ANKRD44: variants seen among roughly 807,000 people sequenced by gnomAD.
ANKRD44 encodes ankyrin repeat domain 44.
ANKRD44 carries 35 observed loss-of-function variants against 116.0 expected under a neutral mutation model. That is an observed-to-expected ratio of 0.30 (90% CI 0.23 to 0.40). The LOEUF is 0.40. ANKRD44 is among the 10% of genes least tolerant of loss of function. The pLI, the probability that ANKRD44 is intolerant of heterozygous loss-of-function variation, is 1.00. For missense variants in ANKRD44, 1,014 were observed against 1,242.6 expected, an observed-to-expected ratio of 0.82 and a Z score of 2.77; for synonymous variants, 435 against 461.8, an observed-to-expected ratio of 0.94 and a Z score of 0.74.
intron 1 of ANKRD44, among the ~76,000 whole-genome samples, chr2:197,233,782 C>T (rs1238584697): frequency 6.6e-6 from 1 of 152,258 alleles, no homozygotes; most frequent in Non-Finnish European, 1.5e-5. Flanking sequence ...TAGCAGTTTT[C>T]TCTCACAAGA....
At chr2:196,973,998 T>C (rs2075738596) in intron 21 of ANKRD44, among the ~76,000 whole-genome samples, 1 of 152,180 alleles carries the variant, frequency 6.6e-6, no homozygotes. Context: ...TATATTCTCT[T>C]GCCATATGGA....
chr2:197,119,901 A>G (rs1225783692), intron 8 of ANKRD44, among the ~76,000 whole-genome samples: 1 of 152,186 alleles, frequency 6.6e-6, no homozygotes, highest in Non-Finnish European at 1.5e-5. Context: ...CCCCTTGGTT[A>G]GCTGTCACAT....
At chr2:197,036,148 T>C (rs543290376) in intron 16 of ANKRD44, among the ~76,000 whole-genome samples, 1 of 152,346 alleles carries the variant, frequency 6.6e-6, no homozygotes, top group South Asian at 2.1e-4. Context: ...CGGTAGTTTG[T>C]ATGAATGTAT....
In ANKRD44 at chr2:197,170,243, T is replaced by A. The variant is rs546555357; in HGVS notation, c.111+16780A>T. On this transcript the variant is annotated intron_variant, in intron 2 of 27. Coordinates refer to ENST00000282272, the MANE Select transcript of ANKRD44 (RefSeq NM_001195144.2). ...GGAGGCATTCAAAGCCAAATGACAT[T>A]GAGAAACACGGTGTTCAAGAAAGTT... Among the ~76,000 whole-genome samples the A allele has an allele frequency of 2.7e-5, 4 of 147,912 alleles. No individual in the cohort carries two copies. The South Asian group carries it at 8.5e-4, about 32-fold the overall frequency.
chr2:197,182,978 A>T (rs2080548493), intron 2 of ANKRD44, among the ~76,000 whole-genome samples: 1 of 152,140 alleles, frequency 6.6e-6, no homozygotes, highest in Non-Finnish European at 1.5e-5. Flanking sequence ...GAGAAGTAGG[A>T]CAACTTAATG....
chr2:197,279,145 A>G (rs1216772320), intron 1 of ANKRD44, among the ~76,000 whole-genome samples: 1 of 152,168 alleles, frequency 6.6e-6, no homozygotes, highest in African/African-American at 2.4e-5. Flanking sequence ...CATTCAGTCC[A>G]CATTTCAAAG....
chr2:197,158,503 A>G (rs59731333), intron 2 of ANKRD44, among the ~76,000 whole-genome samples: 7,873 of 152,258 alleles, frequency 0.052, 682 homozygotes, highest in African/African-American at 0.18. Flanking sequence ...GCAGATAACT[A>G]AAAGAATAAC....
chr2:197,099,225 T>C (rs2078233998), intron 10 of ANKRD44, among the ~76,000 whole-genome samples: 1 of 152,208 alleles, frequency 6.6e-6, no homozygotes, highest in Admixed American at 6.5e-5. Flanking sequence ...TTTAGAACTT[T>C]ATGATATATG....
Position 196,988,303 on chromosome 2 carries a change from T to C in ANKRD44, c.*1288A>G. Reference sequence around the variant, plus strand: ...GTGCTTCTTCAACACTGAACCTCTCTTAATTTTCAGTGTTTTGGTAAAGAT... The same window carrying C: ...GTGCTTCTTCAACACTGAACCTCTCCTAATTTTCAGTGTTTTGGTAAAGAT... On this transcript the variant is annotated 3_prime_UTR_variant, in exon 28 of 28. Transcript: ENST00000282272. The C allele has an allele frequency of 1.0e-6, 1 of 985,474 alleles. No homozygotes were observed. Among genetic ancestry groups the C allele is most frequent in the East Asian group, 1.1e-4 (1 of 8,822 alleles). 61.0% of individuals were successfully genotyped at this position (985,474 alleles called of 1,614,324 possible). A position where few individuals can be genotyped will look rare whatever the true frequency, so the allele number is the denominator to read the frequency against.
rs566802604 is a variant in ANKRD44, at chr2:197,014,795, A to T, written c.1723-1083T>A. ...CAAGACTCTGTCTCCAAAAAAAAAA[A>T]CAACAAAAAATGATGCTTTGTACCA... On this transcript the variant is annotated intron_variant, in intron 17 of 27. Coordinates refer to ENST00000282272, the MANE Select transcript of ANKRD44 (RefSeq NM_001195144.2). Among the ~76,000 whole-genome samples the T allele has an allele frequency of 6.8e-4, 103 of 151,872 alleles. 5 individuals are homozygous for T. The South Asian group carries it at 0.021, about 30-fold the overall frequency.
At chr2:197,278,104 A>AGT in intron 1 of ANKRD44, among the ~76,000 whole-genome samples, 1 of 152,224 alleles carries the variant, frequency 6.6e-6, no homozygotes, top group South Asian at 2.1e-4. Context: ...ATTAGCTAAT[A>AGT]GTGAGTGACT....
chr2:197,003,590 A>G (rs998715537), intron 21 of ANKRD44, among the ~76,000 whole-genome samples: 2 of 152,168 alleles, frequency 1.3e-5, no homozygotes, highest in African/African-American at 4.8e-5. Context: ...GTCCTGGACA[A>G]AGGCTGCACT....
At chr2:197,213,592 C>A (rs2081373428) in intron 1 of ANKRD44, among the ~76,000 whole-genome samples, 2 of 152,200 alleles carry the variant, frequency 1.3e-5, no homozygotes, top group Admixed American at 1.3e-4. Context: ...TACACTTGAG[C>A]ACTGTGCAGT....
Position 196,987,735 on chromosome 2 carries a change from A to G in ANKRD44, c.*1856T>C. 1 of 985,424 alleles carries G rather than the reference A, an allele frequency of 1.0e-6. No homozygotes were observed. Among genetic ancestry groups the G allele is most frequent in the South Asian group, 4.7e-5 (1 of 21,286 alleles). The allele number at this position is 985,424 out of a possible 1,614,324, so 61.0% of individuals were successfully genotyped here. ...TAGCAAAGACAGGCAGACACTGGCA[A>G]ATAAGTAAGTGCAATGAAACATGAT... is the stretch of plus-strand genomic sequence containing the variant. On this transcript the variant is annotated 3_prime_UTR_variant, in exon 28 of 28. Transcript: ENST00000282272.
At chr2:197,303,809 G>A (rs1163124547) in intron 1 of ANKRD44, among the ~76,000 whole-genome samples, 16 of 152,088 alleles carry the variant, frequency 1.1e-4, no homozygotes, top group South Asian at 2.1e-4. Context: ...CAAAAGAGGA[G>A]GCAAGTGAAA....
chr2:197,101,290 G>C lies in ANKRD44; in HGVS notation c.986-1360C>G, dbSNP rs151094836. Among the ~76,000 whole-genome samples the C allele has an allele frequency of 2.5e-3, 380 of 151,882 alleles. 1 individual carries two copies. The highest frequency in any genetic ancestry group is 0.016 in the East Asian group (85 of 5,170). ...TATTGGAGCCCAAATCACGAGTTGTGTTGGACGCTCTACATTCTGGAGTTG... is the reference window on the plus strand; with the variant it reads ...TATTGGAGCCCAAATCACGAGTTGTCTTGGACGCTCTACATTCTGGAGTTG... On this transcript the variant is annotated intron_variant, in intron 9 of 27. Coordinates refer to ENST00000282272, the MANE Select transcript of ANKRD44 (RefSeq NM_001195144.2).
At position 196,994,508 on chromosome 2, in the gene ANKRD44, TTC is replaced by T. The variant is rs1574234438; in HGVS notation, c.2832-836_2832-835del. On this transcript the variant is annotated intron_variant, in intron 26 of 27. Coordinates refer to ENST00000282272, the MANE Select transcript of ANKRD44 (RefSeq NM_001195144.2). ...GCCAACAGTCTTCTTCTTCTTCTTC[TTC>T]TTTTCTTTTTTTTTTGTGGGGGGAC... 10 of 149,662 alleles carry T rather than the reference TTC, an allele frequency of 6.7e-5. 1 individual carries two copies. The South Asian group carries it at 1.1e-3, about 16-fold the overall frequency. 9.3% of individuals were successfully genotyped at this position (149,662 alleles called of 1,614,324 possible). A position where few individuals can be genotyped will look rare whatever the true frequency, so the allele number is the denominator to read the frequency against.
chr2:197,200,316 A>G (rs1393966151), intron 1 of ANKRD44, among the ~76,000 whole-genome samples: 3 of 152,224 alleles, frequency 2.0e-5, no homozygotes, highest in Non-Finnish European at 4.4e-5. Flanking sequence ...TGGAGGAGGC[A>G]GGACTTGAAC....
At chr2:196,993,710 A>G (rs2125881710) in intron 26 of ANKRD44, 36 bp from the exon 27 acceptor site, 2 of 1,525,374 alleles carry the variant, frequency 1.3e-6, no homozygotes, top group South Asian at 1.2e-5. Context: ...GTTGTGATAC[A>G]TATTTGGGTG....
Sources: gnomAD v4.1 joint callset for allele counts (sites outside exome capture counted in the v4.1 genomes callset) on GRCh38, gnomAD v4.1.1 for gene constraint, MANE v1.5 for transcripts, NCBI Gene and HGNC (gene_info 2026-07-23, HGNC 2026-07-21) for gene names.